Variants in MSH3 observed in about 807,000 individuals in gnomAD.
MSH3 encodes the protein DNA mismatch repair protein Msh3.
A neutral mutation model predicts 123.3 loss-of-function variants in MSH3; 106 were observed. The observed-to-expected ratio is 0.86, with a 90% CI of 0.73 to 1.01. The LOEUF (loss-of-function observed/expected upper bound fraction) is 1.01. Among genes scored for constraint, MSH3 ranks in the 50% least tolerant of loss-of-function variants. MSH3 has a pLI of 0.00. For missense variants in MSH3, 1,459 were observed against 1,347.6 expected (o/e 1.08, Z -1.29); for synonymous variants, 515 against 481.4 (o/e 1.07, Z -0.91).
intron 8 of MSH3, among the ~76,000 whole-genome samples, chr5:80,704,838 A>G (rs1375245389): frequency 6.6e-6 from 1 of 152,184 alleles, no homozygotes; most frequent in East Asian, 1.9e-4. Context: ...CCTTTCCTCT[A>G]GTCTTGCCCT....
chr5:80,776,185 C>T (rs1035176159), intron 16 of MSH3, among the ~76,000 whole-genome samples: 1 of 152,142 alleles, frequency 6.6e-6, no homozygotes, highest in Non-Finnish European at 1.5e-5. Context: ...CCACTGTGCC[C>T]TGCCCTTTCT....
rs1743277272 is a variant in MSH3 at position 80,725,583 on chromosome 5, A to G, written c.1453+18A>G. 6 of 1,546,110 alleles carry G rather than the reference A, an allele frequency of 3.9e-6. No homozygotes were observed. In the East Asian group the frequency reaches 1.3e-4, roughly 35 times the overall value. ...CATCAAAGGTAAATATTTTCCCTGT[A>G]TGTCCTCAAGTTGAACTGATTTGAA... On this transcript the variant is annotated intron_variant, in intron 9 of 23. Transcript: ENST00000265081.
At position 80,725,479 on chromosome 5, in the gene MSH3, A is replaced by C. The variant is rs1273771754; in HGVS notation, c.1367A>C (p.Glu456Ala). The C allele has an allele frequency of 6.2e-7, 1 of 1,613,960 alleles. No individual in the cohort carries two copies. The highest frequency in any genetic ancestry group is 2.2e-5 in the East Asian group (1 of 44,840). Reference protein sequence around the residue: ...VSVQDDRIRVERMDNIYFEYS... With the variant: ...VSVQDDRIRVARMDNIYFEYS... ...GTGCAGGATGACAGAATTCGAGTCG[A>C]AAGGATGGATAACATTTATTTTGAA... The change falls in exon 9 of 24, where the codon GAA becomes GCA. Residue 456 changes from glutamate to alanine, a missense_variant. Physicochemically the swap from Glu to Ala is moderately radical, Grantham distance 107. Coordinates refer to ENST00000265081, the MANE Select transcript of MSH3 (RefSeq NM_002439.5).
At chr5:80,874,220 A>C (rs1746269487) in intron 23 of MSH3, among the ~76,000 whole-genome samples, 1 of 152,222 alleles carries the variant, frequency 6.6e-6, no homozygotes, top group Admixed American at 6.5e-5. Flanking sequence ...TACTAGCTAA[A>C]GAAACAGTTG....
At chr5:80,857,847 T>G (rs1745944773) in intron 21 of MSH3, among the ~76,000 whole-genome samples, 1 of 152,122 alleles carries the variant, frequency 6.6e-6, no homozygotes, top group Admixed American at 6.5e-5. Flanking sequence ...TTGGTTCTAT[T>G]GATTATTTTC....
At chr5:80,755,641 G>C (rs1347841317) in intron 12 of MSH3, among the ~76,000 whole-genome samples, 1 of 152,100 alleles carries the variant, frequency 6.6e-6, no homozygotes, top group Non-Finnish European at 1.5e-5. Context: ...AAACATAAGG[G>C]AAGAACTGAG....
At chr5:80,741,438 G>A (rs762116555) in intron 10 of MSH3, 26 bp from the exon 11 acceptor site, 1 of 1,412,430 alleles carries the variant, frequency 7.1e-7, no homozygotes, top group Non-Finnish European at 1.0e-6. Context: ...TTACATCTAG[G>A]CTAATTATAT....
intron 8 of MSH3, among the ~76,000 whole-genome samples, chr5:80,688,236 C>A (rs1399724869): frequency 6.6e-6 from 1 of 152,200 alleles, no homozygotes; most frequent in Non-Finnish European, 1.5e-5. Context: ...ATAAGTGCTT[C>A]CTCAAAGATA....
Position 80,754,015 on chromosome 5 carries a change from G to A in MSH3, c.1764-7531G>A, listed in dbSNP as rs549467534. ...TTCAAGGAATAGGAAGAAATGTTTAGTGAATACCTAGCAGTCTGTTGCCAG... is the reference window on the plus strand; with the variant it reads ...TTCAAGGAATAGGAAGAAATGTTTAATGAATACCTAGCAGTCTGTTGCCAG... On this transcript the variant is annotated intron_variant, in intron 12 of 23. Transcript: ENST00000265081. Among the ~76,000 whole-genome samples, 7 of 152,316 alleles carry A rather than the reference G, an allele frequency of 4.6e-5. No homozygotes were observed. The South Asian group carries it at 1.5e-3, about 32-fold the overall frequency.
intron 2 of MSH3, among the ~76,000 whole-genome samples, chr5:80,658,050 T>TTTTTTTTTTTTTTTTGTTTGG (rs1580541891): frequency 6.7e-6 from 1 of 149,266 alleles, no homozygotes; most frequent in African/African-American, 2.5e-5. Context: ...TTTTTTTTTT[T>TTTTTTTTTTTTTTTTGTTTGG]GAGATAGGGT....
intron 8 of MSH3, among the ~76,000 whole-genome samples, chr5:80,680,276 A>C (rs936028283): frequency 6.6e-6 from 1 of 152,056 alleles, no homozygotes; most frequent in Non-Finnish European, 1.5e-5. Context: ...AAAAAAAAGA[A>C]AATCAAACTG....
intron 19 of MSH3, among the ~76,000 whole-genome samples, chr5:80,795,388 C>T (rs920257158): frequency 1.3e-5 from 2 of 152,154 alleles, no homozygotes; most frequent in African/African-American, 4.8e-5. Context: ...GTTCTAGAGG[C>T]TGGAAAGTCC....
chr5:80,829,261 C>T (rs1475460303), intron 20 of MSH3, among the ~76,000 whole-genome samples: 1 of 152,164 alleles, frequency 6.6e-6, no homozygotes, highest in African/African-American at 2.4e-5. Flanking sequence ...CTAGTACTTC[C>T]ACTGCAGTGT....
At chr5:80,806,020 A>G (rs1744884127) in intron 19 of MSH3, among the ~76,000 whole-genome samples, 1 of 151,634 alleles carries the variant, frequency 6.6e-6, no homozygotes, top group South Asian at 2.1e-4. Context: ...TCTTAAACAT[A>G]TTCTCCTATA....
rs1580546664 is a variant in MSH3, at chr5:80,665,248, C to A, written c.464C>A (p.Ser155Tyr). ...ALPQSRVQTE[S>Y]LQERFAVLPK... ...CCTCAAAGTAGAGTCCAGACAGAAT[C>A]TCTGCAGGAGAGATTTGCAGTTCTG... Residue 155 changes from serine (S) to tyrosine (Y), a missense_variant, in exon 3 of 24, where the codon TCT becomes TAT. Ser to Tyr is a moderately radical substitution (Grantham distance 144). Coordinates refer to ENST00000265081, the MANE Select transcript of MSH3 (RefSeq NM_002439.5). 6.2e-7 allele frequency: 1 copy of A among 1,614,080 alleles called. No homozygotes were observed. Among genetic ancestry groups the A allele is most frequent in the Non-Finnish European group, 8.5e-7 (1 of 1,179,980 alleles).
chr5:80,676,460 G>T (rs1052379801), intron 7 of MSH3, among the ~76,000 whole-genome samples: 11 of 152,298 alleles, frequency 7.2e-5, no homozygotes, highest in Admixed American at 5.9e-4. Context: ...CTTTTCTGTT[G>T]TAAGTTAAGC....
chr5:80,695,910 G>C (rs1198104847), intron 8 of MSH3, among the ~76,000 whole-genome samples: 1 of 152,136 alleles, frequency 6.6e-6, no homozygotes, highest in East Asian at 1.9e-4. Flanking sequence ...GTATTATGTT[G>C]TGAGATTCTG....
chr5:80,775,646 A>G (rs780740288), intron 15 of MSH3, 48 bp from the exon 16 acceptor site: 2 of 1,085,470 alleles, frequency 1.8e-6, no homozygotes, highest in Non-Finnish European at 2.8e-6. Flanking sequence ...GCTTTAAAAT[A>G]TATAATGGTT....
chr5:80,676,771 C>G (rs1272402511), intron 7 of MSH3, among the ~76,000 whole-genome samples: 2 of 152,158 alleles, frequency 1.3e-5, no homozygotes, highest in Admixed American at 1.3e-4. Flanking sequence ...AAGTTATTTA[C>G]TTTTAAGCTT....
Sources: allele counts gnomAD v4.1 joint callset (sites outside exome capture counted in the v4.1 genomes callset), GRCh38; gene constraint gnomAD v4.1.1; transcripts MANE v1.5; gene names NCBI Gene and HGNC (gene_info 2026-07-23, HGNC 2026-07-21).